The following FUT9 variants were observed in gnomAD, a reference collection of about 807,000 sequenced individuals.
FUT9 encodes fucosyltransferase 9.
A neutral mutation model predicts 29.7 loss-of-function variants in FUT9; 15 were observed. That is an observed-to-expected ratio of 0.51 (90% CI 0.34 to 0.78). The LOEUF is 0.78. Ranked by LOEUF, FUT9 falls within the 30% of genes least tolerant of loss-of-function variation. The pLI is 0.01. For missense variants in FUT9, 319 were observed against 425.4 expected, an observed-to-expected ratio of 0.75 and a Z score of 2.20; for synonymous variants, 169 against 153.7, an observed-to-expected ratio of 1.10 and a Z score of -0.74.
At position 96,123,299 on chromosome 6, in the gene FUT9, T is replaced by C. The variant is rs554393591; in HGVS notation, c.-9+9172T>C. Among the ~76,000 whole-genome samples, 19 of 152,102 alleles carry C rather than the reference T, an allele frequency of 1.2e-4. No homozygotes were observed. The South Asian group carries it at 3.9e-3, about 32-fold the overall frequency. On this transcript the variant is annotated intron_variant, in intron 2 of 2. Coordinates refer to ENST00000302103, the MANE Select transcript of FUT9 (RefSeq NM_006581.4). ...AAATAATAAAAACTGGCTGTCAATA[T>C]CTTAAACAAAAAAACCCAATGCTGA...
chr6:96,196,067 A>G (rs533365585), intron 2 of FUT9, among the ~76,000 whole-genome samples: 55 of 152,284 alleles, frequency 3.6e-4, no homozygotes, highest in South Asian at 2.3e-3. Context: ...TGAAGGATTC[A>G]AGATACATAC....
chr6:96,096,255 T>C (rs1051549240), intron 1 of FUT9, among the ~76,000 whole-genome samples: 2 of 152,072 alleles, frequency 1.3e-5, no homozygotes, highest in African/African-American at 4.8e-5. Flanking sequence ...ATCTGTCAAA[T>C]CTAGATTGTT....
chr6:96,058,138 A>T (rs1286717342), intron 1 of FUT9, among the ~76,000 whole-genome samples: 1 of 152,032 alleles, frequency 6.6e-6, no homozygotes, highest in East Asian at 1.9e-4. Flanking sequence ...AACACAAGGC[A>T]CTTTGCGTTG....
chr6:96,166,110 G>A (rs1258389722), intron 2 of FUT9, among the ~76,000 whole-genome samples: 1 of 151,282 alleles, frequency 6.6e-6, no homozygotes, highest in African/African-American at 2.4e-5. Context: ...TAAAACAAAA[G>A]AGAGAGAGAG....
chr6:96,181,436 T>TC (rs1190319971), intron 2 of FUT9, among the ~76,000 whole-genome samples: 2 of 21,930 alleles, frequency 9.1e-5, no homozygotes, highest in Non-Finnish European at 4.1e-3. Context: ...TCTTCATAGT[T>TC]CTTTTTTAAT....
At chr6:96,030,380 T>G (rs1485680009) in intron 1 of FUT9, among the ~76,000 whole-genome samples, 1 of 151,498 alleles carries the variant, frequency 6.6e-6, no homozygotes, top group Non-Finnish European at 1.5e-5. Context: ...TGGTAATTAC[T>G]AAGAAAATTA....
chr6:96,173,950 G>GT (rs565664632), intron 2 of FUT9, among the ~76,000 whole-genome samples: 2 of 151,938 alleles, frequency 1.3e-5, no homozygotes, highest in African/African-American at 2.4e-5. Context: ...TGTGTTGATT[G>GT]TTTTTTAGTT....
intron 1 of FUT9, among the ~76,000 whole-genome samples, chr6:96,073,448 CAAAAAA>C (rs58982988): frequency 1.6e-5 from 1 of 61,406 alleles, no homozygotes; most frequent in Non-Finnish European, 3.6e-5. Context: ...GACTCCGTCT[CAAAAAA>C]AAAAAAAAAA....
intron 2 of FUT9, among the ~76,000 whole-genome samples, chr6:96,126,803 T>C (rs1279057357): frequency 1.3e-5 from 2 of 152,202 alleles, no homozygotes; most frequent in East Asian, 1.9e-4. Context: ...CTGTATTCTT[T>C]AACTTCCCTG....
At chr6:96,078,405 C>CTGATTTTTTTTTTTTTTTTTTTT (rs1201729276) in intron 1 of FUT9, among the ~76,000 whole-genome samples, 3 of 45,194 alleles carry the variant, frequency 6.6e-5, no homozygotes, top group South Asian at 7.5e-4. Context: ...TCATATTAGT[C>CTGATTTTTTTTTTTTTTTTTTTT]TTCTTTTTTT....
At chr6:96,103,263 C>T (rs1356320970) in intron 1 of FUT9, among the ~76,000 whole-genome samples, 1 of 152,048 alleles carries the variant, frequency 6.6e-6, no homozygotes, top group East Asian at 1.9e-4. Context: ...ATTTTCTAGA[C>T]ACTTTCCTTC....
chr6:96,156,367 G>A (rs1222771124), intron 2 of FUT9, among the ~76,000 whole-genome samples: 1 of 152,076 alleles, frequency 6.6e-6, no homozygotes, highest in African/African-American at 2.4e-5. Context: ...TTCTTGTCTT[G>A]TCTCATGACC....
chr6:96,095,750 G>A (rs1771484687), intron 1 of FUT9, among the ~76,000 whole-genome samples: 1 of 152,076 alleles, frequency 6.6e-6, no homozygotes, highest in Non-Finnish European at 1.5e-5. Flanking sequence ...TGGGCATTAT[G>A]GCTAAGAGGA....
At chr6:96,017,636 T>C (rs990812954) in intron 1 of FUT9, among the ~76,000 whole-genome samples, 2 of 152,134 alleles carry the variant, frequency 1.3e-5, no homozygotes, top group Non-Finnish European at 2.9e-5. Context: ...ATGGAACCCT[T>C]GGTCACAGGG....
chr6:96,071,680 C>T (rs1370549882), intron 1 of FUT9, among the ~76,000 whole-genome samples: 1 of 152,200 alleles, frequency 6.6e-6, no homozygotes, highest in Non-Finnish European at 1.5e-5. Flanking sequence ...AGACTCACGG[C>T]ATTTTTAAAA....
intron 1 of FUT9, among the ~76,000 whole-genome samples, chr6:96,064,101 A>G (rs1474911021): frequency 1.3e-5 from 2 of 152,294 alleles, no homozygotes; most frequent in Non-Finnish European, 2.9e-5. Flanking sequence ...AACTACTCAC[A>G]TTGGGGTAGA....
At chr6:96,032,908 T>C (rs1051352680) in intron 1 of FUT9, among the ~76,000 whole-genome samples, 7 of 151,526 alleles carry the variant, frequency 4.6e-5, no homozygotes, top group Non-Finnish European at 1.0e-4. Context: ...AGAGGAACAG[T>C]ACGTGTTATT....
intron 1 of FUT9, among the ~76,000 whole-genome samples, chr6:96,100,303 G>T (rs1355436408): frequency 1.3e-5 from 2 of 150,454 alleles, no homozygotes; most frequent in South Asian, 4.2e-4. Flanking sequence ...GCTGTTCTAG[G>T]CTCCAAAGTT....
intron 1 of FUT9, among the ~76,000 whole-genome samples, chr6:96,098,246 A>G (rs954297743): frequency 1.3e-5 from 2 of 152,154 alleles, no homozygotes; most frequent in Non-Finnish European, 2.9e-5. Flanking sequence ...TTCAGAACCT[A>G]TAACTTCTGG....
Sources: allele counts gnomAD v4.1 joint callset (sites outside exome capture counted in the v4.1 genomes callset), GRCh38; gene constraint gnomAD v4.1.1; transcripts MANE v1.5; gene names NCBI Gene and HGNC (gene_info 2026-07-23, HGNC 2026-07-21).